Variants in NBEA observed in about 807,000 individuals in gnomAD.
NBEA encodes neurobeachin, also known as lysosomal-trafficking regulator 2.
In NBEA, 44 loss-of-function variants were observed where a neutral mutation model predicts 343.4. The observed-to-expected ratio is 0.13, with a 90% CI of 0.10 to 0.16. NBEA has a LOEUF of 0.16. Among genes scored for constraint, NBEA ranks in the 10% least tolerant of loss-of-function variants. The pLI is 1.00. For synonymous variants in NBEA, 1,175 were observed against 1,238.7 expected (o/e 0.95, Z 1.08); for missense variants, 2,555 against 3,631.3 (o/e 0.70, Z 7.62).
intron 31 of NBEA, among the ~76,000 whole-genome samples, chr13:35,204,902 G>A (rs2073280226): frequency 1.3e-5 from 2 of 152,018 alleles, no homozygotes; most frequent in Non-Finnish European, 2.9e-5. Flanking sequence ...GATTTTTTTG[G>A]TGTAGATGGA....
intron 37 of NBEA, 45 bp from the exon 38 acceptor site, chr13:35,352,112 G>A (rs1165764979): frequency 1.7e-6 from 2 of 1,197,170 alleles, no homozygotes; most frequent in Non-Finnish European, 2.2e-6. Flanking sequence ...TTACTTATAT[G>A]CAGTAAAAAG....
chr13:35,630,231 C>A (rs928578064), intron 49 of NBEA, among the ~76,000 whole-genome samples: 4 of 152,048 alleles, frequency 2.6e-5, no homozygotes, highest in Non-Finnish European at 5.9e-5. Context: ...TGGAAATTTT[C>A]TTTACATGGA....
At chr13:35,290,860 A>G (rs2035760505) in intron 35 of NBEA, among the ~76,000 whole-genome samples, 1 of 151,678 alleles carries the variant, frequency 6.6e-6, no homozygotes, top group Non-Finnish European at 1.5e-5. Flanking sequence ...AAAGTGTATG[A>G]TACAGCTTAT....
intron 18 of NBEA, among the ~76,000 whole-genome samples, chr13:35,147,443 A>G (rs1181156176): frequency 6.6e-6 from 1 of 152,202 alleles, no homozygotes; most frequent in African/African-American, 2.4e-5. Context: ...CCCTAAGTGG[A>G]CATAACTTAG....
At chr13:35,422,857 G>T (rs9544300) in intron 38 of NBEA, among the ~76,000 whole-genome samples, 20,565 of 152,124 alleles carry the variant, frequency 0.14, 1,536 homozygotes, top group East Asian at 0.32. Context: ...GTGTGAAATG[G>T]TATCTCATTG....
At chr13:35,067,934 C>A (rs1006239776) in intron 8 of NBEA, among the ~76,000 whole-genome samples, 2 of 151,940 alleles carry the variant, frequency 1.3e-5, no homozygotes, top group Non-Finnish European at 2.9e-5. Flanking sequence ...TGGGGTCTCT[C>A]TGTGTGTTGT....
At position 35,015,127 on chromosome 13, in the gene NBEA, G is replaced by GAAAAAAAAAAA. The variant is rs771271035; in HGVS notation, c.295-25804_295-25794dup. 9.8e-4 allele frequency among the ~76,000 whole-genome samples: 18 copies of GAAAAAAAAAAA among 18,324 alleles called. 4 individuals carry two copies. Among genetic ancestry groups the GAAAAAAAAAAA allele is most frequent in the Non-Finnish European group, 1.1e-3 (12 of 11,344 alleles). 12.0% of individuals were successfully genotyped at this position (18,324 alleles called of 152,430 possible). ...TTCTCAACAAAAAGCAACGAGATCT[G>GAAAAAAAAAAA]AAAAAAAAAAAACAAACAAAAAAAA... On this transcript the variant is annotated intron_variant, in intron 1 of 58. Transcript: ENST00000379939.
chr13:34,967,966 C>T (rs74049202), intron 1 of NBEA, among the ~76,000 whole-genome samples: 4,139 of 152,162 alleles, frequency 0.027, 79 homozygotes, highest in South Asian at 0.074. Context: ...CAGATACCAG[C>T]CTGAAATAGG....
chr13:35,661,229 G>T (rs1203843157), intron 55 of NBEA, among the ~76,000 whole-genome samples: 2 of 152,180 alleles, frequency 1.3e-5, no homozygotes, highest in African/African-American at 4.8e-5. Context: ...TTTACGCAGA[G>T]CCCAGCTTCC....
intron 1 of NBEA, among the ~76,000 whole-genome samples, chr13:35,015,508 AT>A (rs969530625): frequency 1.3e-4 from 19 of 150,818 alleles, no homozygotes; most frequent in East Asian, 9.8e-4. Flanking sequence ...ACTACTTTCC[AT>A]TTTTTTTTAA....
chr13:35,291,627 G>A (rs1390497508), intron 35 of NBEA, among the ~76,000 whole-genome samples: 2 of 151,894 alleles, frequency 1.3e-5, no homozygotes, highest in Admixed American at 1.3e-4. Context: ...GCACAGTTCT[G>A]TAAAATGCGT....
intron 38 of NBEA, among the ~76,000 whole-genome samples, chr13:35,363,145 G>A (rs1391020856): frequency 6.6e-6 from 1 of 151,876 alleles, no homozygotes; most frequent in Non-Finnish European, 1.5e-5. Context: ...CCTCCATGGG[G>A]CTGGTTGGTA....
At chr13:35,617,726 G>A (rs571775013) in intron 48 of NBEA, among the ~76,000 whole-genome samples, 1 of 152,188 alleles carries the variant, frequency 6.6e-6, no homozygotes, top group Non-Finnish European at 1.5e-5. Flanking sequence ...CATAGTTTCT[G>A]TTGCTCCAAC....
At chr13:35,071,025 C>T (rs979810091) in intron 10 of NBEA, 173 bp downstream of exon 10, 32 of 551,648 alleles carry the variant, frequency 5.8e-5, no homozygotes, top group Non-Finnish European at 8.0e-5. Context: ...ATAAAGAAAA[C>T]GCTGACATTT....
At chr13:35,356,511 C>T (rs1202913297) in intron 38 of NBEA, among the ~76,000 whole-genome samples, 2 of 152,030 alleles carry the variant, frequency 1.3e-5, no homozygotes, top group Non-Finnish European at 2.9e-5. Flanking sequence ...AATATGTGGC[C>T]ATATTTTCCA....
In NBEA at chr13:35,577,334, A is replaced by G. The variant is rs563852022; in HGVS notation, c.7036-6564A>G. Reference sequence around the variant, plus strand: ...GCACCAGGTAGACCAAGAGTGGGGAAGGAATGGTTCACAAAGGTTGAAGGC... The same window carrying G: ...GCACCAGGTAGACCAAGAGTGGGGAGGGAATGGTTCACAAAGGTTGAAGGC... On this transcript the variant is annotated intron_variant, in intron 45 of 58. Coordinates refer to ENST00000379939, the MANE Select transcript of NBEA (RefSeq NM_001385012.1). 3.3e-5 allele frequency among the ~76,000 whole-genome samples: 5 copies of G among 152,342 alleles called. No individual in the cohort carries two copies. The South Asian group carries it at 1.0e-3, about 32-fold the overall frequency.
chr13:35,283,862 G>A (rs993756934), intron 34 of NBEA, among the ~76,000 whole-genome samples: 1 of 152,132 alleles, frequency 6.6e-6, no homozygotes, highest in African/African-American at 2.4e-5. Context: ...TATCATGGAT[G>A]TACAGCTGAA....
chr13:35,426,723 T>A (rs896829581), intron 38 of NBEA, among the ~76,000 whole-genome samples: 1 of 152,314 alleles, frequency 6.6e-6, no homozygotes, highest in Middle Eastern at 3.4e-3. Context: ...TTCTCCTGGA[T>A]AATATCCTGC....
intron 5 of NBEA, among the ~76,000 whole-genome samples, chr13:35,049,049 C>T (rs1055914423): frequency 6.6e-6 from 1 of 151,754 alleles, no homozygotes; most frequent in Non-Finnish European, 1.5e-5. Flanking sequence ...TGCCTTTTCA[C>T]TTACTTTGTT....
Sources: allele counts gnomAD v4.1 joint callset (sites outside exome capture counted in the v4.1 genomes callset), GRCh38; gene constraint gnomAD v4.1.1; transcripts MANE v1.5; gene names NCBI Gene and HGNC (gene_info 2026-07-23, HGNC 2026-07-21).